FAT1: variants seen among roughly 807,000 people sequenced by gnomAD.
The protein encoded by FAT1 is protocadherin Fat 1.
A neutral mutation model predicts 329.8 loss-of-function variants in FAT1; 171 were observed. That is an observed-to-expected ratio of 0.52 (90% CI 0.46 to 0.59). The LOEUF is 0.59. Ranked by LOEUF, FAT1 falls within the 20% of genes least tolerant of loss-of-function variation. The pLI, the probability that FAT1 is intolerant of heterozygous loss-of-function variation, is 0.00. For synonymous variants in FAT1, 2,233 were observed against 2,228.6 expected (o/e 1.00, Z -0.06); for missense variants, 5,672 against 5,774.4 (o/e 0.98, Z 0.57).
rs1742581113 is a variant in FAT1, at chr4:186,668,690, TC to T, written c.3266-5078del. The stretch of plus-strand genomic sequence containing the variant: ...ACTTCATCATGCTTTCACCAGTCCT[TC>T]CTAAAGCCACGACTGGCATTTACAG... On this transcript the variant is annotated intron_variant, in intron 2 of 26. Coordinates refer to ENST00000441802, the MANE Select transcript of FAT1 (RefSeq NM_005245.4). Among the ~76,000 whole-genome samples, 4 of 152,300 alleles carry T rather than the reference TC, an allele frequency of 2.6e-5. No homozygotes were observed. The South Asian group carries it at 8.3e-4, about 32-fold the overall frequency.
intron 2 of FAT1, among the ~76,000 whole-genome samples, chr4:186,688,451 G>C (rs181781764): frequency 2.0e-5 from 3 of 152,094 alleles, no homozygotes; most frequent in African/African-American, 4.8e-5. Flanking sequence ...CAGGGGCTTC[G>C]GCAAATCCCC....
intron 18 of FAT1, 129 bp downstream of exon 18, chr4:186,604,248 C>T: frequency 2.5e-6 from 2 of 809,006 alleles, no homozygotes; most frequent in South Asian, 3.8e-5. Context: ...TGGCAAAAAA[C>T]AAAGACAGCA....
At position 186,605,720 on chromosome 4, in the gene FAT1, G is replaced by A. The variant is rs148639715; in HGVS notation, c.10350+350C>T. On this transcript the variant is annotated intron_variant, in intron 17 of 26. Coordinates refer to ENST00000441802, the MANE Select transcript of FAT1 (RefSeq NM_005245.4). ...AAGAAAGTGGAGTAGAAGATGGAGC[G>A]AGAAGGAAGGATTGGGGGCTAGAAG... 8.0e-3 allele frequency among the ~76,000 whole-genome samples: 1,203 copies of A among 149,652 alleles called. 12 individuals carry two copies. The highest frequency in any genetic ancestry group is 0.014 in the Admixed American group (213 of 14,868).
In FAT1 at chr4:186,647,071, C is replaced by T. The variant is rs755851166; in HGVS notation, c.3581-7288G>A. On this transcript the variant is annotated intron_variant, in intron 3 of 26. Coordinates refer to ENST00000441802, the MANE Select transcript of FAT1 (RefSeq NM_005245.4). The stretch of plus-strand genomic sequence containing the variant: ...CACTTGTTCACTGTGCACTGTCATT[C>T]AACTGCTCAGAATGCTGTTCCCAAA... Among the ~76,000 whole-genome samples the T allele has an allele frequency of 3.1e-4, 47 of 152,194 alleles. 1 individual carries two copies. Among genetic ancestry groups the T allele is most frequent in the Admixed American group, 1.5e-3 (23 of 15,282 alleles).
Position 186,660,793 on chromosome 4 carries a change from G to A in FAT1, c.3580+2506C>T, listed in dbSNP as rs147554575. Among the ~76,000 whole-genome samples the A allele has an allele frequency of 9.9e-3, 1,512 of 152,312 alleles. 11 individuals carry two copies. The highest frequency in any genetic ancestry group is 0.016 in the Non-Finnish European group (1,101 of 68,024). On this transcript the variant is annotated intron_variant, in intron 3 of 26. Coordinates refer to ENST00000441802, the MANE Select transcript of FAT1 (RefSeq NM_005245.4). ...TACAACAAGACATAACACCATAGCAGACACATCATCATTTCTGGGGTCCCA... is the reference window on the plus strand; with the variant it reads ...TACAACAAGACATAACACCATAGCAAACACATCATCATTTCTGGGGTCCCA...
chr4:186,644,115 C>T (rs897403924), intron 3 of FAT1, among the ~76,000 whole-genome samples: 4 of 152,148 alleles, frequency 2.6e-5, no homozygotes, highest in South Asian at 2.1e-4. Flanking sequence ...AGTAGGATTT[C>T]GTTCTCTTGA....
rs778521730 is a variant in FAT1, at chr4:186,589,167, G to T, written c.13192C>A (p.Gln4398Lys). The change falls in exon 27 of 27, where the codon CAA (glutamine) becomes AAA (lysine). Residue 4398 changes from glutamine to lysine, a missense_variant. By Grantham distance (53) the Gln-to-Lys change is moderately conservative. Coordinates refer to ENST00000441802, the MANE Select transcript of FAT1 (RefSeq NM_005245.4). ...WMPSVPLPDI[Q>K]EFPNYEVIDE... ...ATCACCTCATAGTTGGGGAACTCTT[G>T]TATGTCCGGCAGAGGAACGCTTGGC... is the stretch of plus-strand genomic sequence containing the variant. The T allele has an allele frequency of 7.4e-6, 12 of 1,613,830 alleles. No individual in the cohort carries two copies. Among genetic ancestry groups the T allele is most frequent in the Non-Finnish European group, 1.0e-5 (12 of 1,179,846 alleles).
In FAT1 at chr4:186,706,899, C is replaced by G. The variant is rs1561007001; in HGVS notation, c.2929G>C (p.Asp977His). ...ATCCTAACTGCTCCACTGAGTTTAT[C>G]CACATCGAAGTTTCCTTCTCCGTGG... ...LDHGEGNFDV[D>H]KLSGAVRIVQ... is the part of the protein sequence containing the mutation. The change falls in exon 2 of 27, where the codon GAT becomes CAT. Residue 977 changes from aspartate to histidine, a missense_variant. Transcript: ENST00000441802. The G allele has an allele frequency of 6.2e-7, 1 of 1,613,988 alleles. No homozygotes were observed. Among genetic ancestry groups the G allele is most frequent in the South Asian group, 1.1e-5 (1 of 91,070 alleles).
At chr4:186,719,851 G>A (rs915700234) in intron 1 of FAT1, among the ~76,000 whole-genome samples, 1 of 152,188 alleles carries the variant, frequency 6.6e-6, no homozygotes, top group Non-Finnish European at 1.5e-5. Flanking sequence ...TTTTGTTCAT[G>A]CAGAGTATTC....
chr4:186,608,793 C>G (rs1739260606), intron 16 of FAT1, among the ~76,000 whole-genome samples: 2 of 152,192 alleles, frequency 1.3e-5, no homozygotes, highest in South Asian at 4.1e-4. Context: ...GTAAAGTCCC[C>G]TAAATATATT....
upstream of FAT1, chr4:186,723,886 C>CCCCG (rs1237553974): frequency 6.6e-6 from 1 of 150,702 alleles, no homozygotes; most frequent in African/African-American, 2.4e-5. Context: ...TCCGCCCCGG[C>CCCCG]CCCGCCCGCC....
At chr4:186,615,655 C>T (rs994819108) in intron 11 of FAT1, among the ~76,000 whole-genome samples, 4 of 152,154 alleles carry the variant, frequency 2.6e-5, no homozygotes, top group Admixed American at 6.5e-5. Flanking sequence ...CAGCTCCACT[C>T]GCCACCCTGC....
Position 186,706,993 on chromosome 4 carries a change from G to A in FAT1, c.2835C>T (p.Val945=), listed in dbSNP as rs2126684666. 1.9e-6 allele frequency: 3 copies of A among 1,613,976 alleles called. No homozygotes were observed. The highest frequency in any genetic ancestry group is 2.5e-6 in the Non-Finnish European group (3 of 1,179,892). Reference sequence around the variant, plus strand: ...GATCGTGGGCTTCTAACCACATGATGACGGTTCCTTCTGGAAGATCCTCTC... The same window carrying A: ...GATCGTGGGCTTCTAACCACATGATAACGGTTCCTTCTGGAAGATCCTCTC... ...KVREDLPEGT[V]IMWLEAHDPD... The change falls in exon 2 of 27, where the codon GTC becomes GTT. Residue 945 remains valine (V), a synonymous_variant. Transcript: ENST00000441802.
rs1014814755 is a variant in FAT1 at position 186,633,719 on chromosome 4, C to T, written c.4288G>A (p.Glu1430Lys). ...EQKSNYNLTV[E>K]ATDGTTTILT... ...ATAGTGGTGGTTCCATCTGTAGCCT[C>T]GACTGTGAGGTTGTAGTTTGACTTC... Residue 1430 changes from glutamate to lysine, a missense_variant, in exon 7 of 27, where the codon GAG becomes AAG. This residue lies in a region of FAT1 where 3,966 missense variants were observed against 3,915.2 expected (regional missense o/e 1.01). Transcript: ENST00000441802. The T allele has an allele frequency of 1.1e-5, 18 of 1,613,852 alleles. No homozygotes were observed. The highest frequency in any genetic ancestry group is 1.4e-5 in the Non-Finnish European group (16 of 1,179,864).
intron 2 of FAT1, among the ~76,000 whole-genome samples, chr4:186,697,561 G>A (rs1009424866): frequency 6.6e-6 from 1 of 152,246 alleles, no homozygotes; most frequent in Non-Finnish European, 1.5e-5. Flanking sequence ...CTTGAATGAC[G>A]GTTTCTCCTA....
rs553377044 is a variant in FAT1 at position 186,708,917 on chromosome 4, C to T, written c.911G>A (p.Arg304Lys). 9.3e-6 allele frequency: 15 copies of T among 1,613,996 alleles called. No individual in the cohort carries two copies. In the South Asian group the frequency reaches 1.5e-4, roughly 17 times the overall value. ...ACTCCCTGGAAAGGACCTCACTGTT[C>T]TAAACTGCTGGAGAAGGTCACCTGC... is the stretch of plus-strand genomic sequence containing the variant. ...IVAGDLLQQF[R>K]TVRSFPGSKE... Residue 304 changes from arginine (R) to lysine (K), a missense_variant, in exon 2 of 27, where the codon AGA (arginine) becomes AAA (lysine). Transcript: ENST00000441802.
chr4:186,667,847 G>A (rs999496720), intron 2 of FAT1, among the ~76,000 whole-genome samples: 1 of 152,192 alleles, frequency 6.6e-6, no homozygotes, highest in Non-Finnish European at 1.5e-5. Flanking sequence ...CAGCTAACTG[G>A]TGGGATCCGG....
At chr4:186,613,786 T>C (rs934827037) in intron 12 of FAT1, among the ~76,000 whole-genome samples, 3 of 152,208 alleles carry the variant, frequency 2.0e-5, no homozygotes, top group African/African-American at 7.2e-5. Context: ...TAAAATCCCA[T>C]AAATCATTTT....
At chr4:186,646,497 CAG>C (rs2126586509) in intron 3 of FAT1, among the ~76,000 whole-genome samples, 1 of 152,272 alleles carries the variant, frequency 6.6e-6, no homozygotes, top group East Asian at 1.9e-4. Context: ...GCACTTGAAA[CAG>C]AGCTAATGTC....
Sources: allele counts gnomAD v4.1 joint callset (sites outside exome capture counted in the v4.1 genomes callset), GRCh38; gene constraint gnomAD v4.1.1; regional missense constraint gnomAD v4.1.1; transcripts MANE v1.5; gene names NCBI Gene and HGNC (gene_info 2026-07-23, HGNC 2026-07-21).